GPC5: variants seen among roughly 807,000 people sequenced by gnomAD.
GPC5 encodes glypican 5, also known as glypican-5.
In GPC5, 47 loss-of-function variants were observed where a neutral mutation model predicts 53.9. That is an observed-to-expected ratio of 0.87 (90% confidence interval 0.69 to 1.11). The LOEUF is 1.11. Ranked by LOEUF, GPC5 falls within the 50% of genes most tolerant of loss-of-function variation. The pLI is 0.00. For synonymous variants in GPC5, 286 were observed against 263.3 expected (o/e 1.09, Z -0.84); for missense variants, 748 against 713.1 (o/e 1.05, Z -0.56).
intron 7 of GPC5, among the ~76,000 whole-genome samples, chr13:92,773,548 G>T (rs1875687088): frequency 6.6e-6 from 1 of 152,108 alleles, no homozygotes. Context: ...TTCACCAGAT[G>T]ACGTAAATGA....
chr13:91,641,470 T>A (rs1245079160), intron 2 of GPC5, among the ~76,000 whole-genome samples: 2 of 151,612 alleles, frequency 1.3e-5, no homozygotes, highest in Non-Finnish European at 2.9e-5. Context: ...TGGGGTGGGG[T>A]TAGGGGAGGG....
intron 2 of GPC5, among the ~76,000 whole-genome samples, chr13:91,616,588 A>G (rs919775282): frequency 6.6e-6 from 1 of 152,062 alleles, no homozygotes; most frequent in Non-Finnish European, 1.5e-5. Flanking sequence ...GCTGAATTTA[A>G]TTGTTTATCT....
intron 7 of GPC5, among the ~76,000 whole-genome samples, chr13:92,293,631 T>A (rs9516053): frequency 1.3e-5 from 2 of 151,682 alleles, no homozygotes; most frequent in African/African-American, 4.9e-5. Context: ...ACGATCATAT[T>A]GTCAGCAAAC....
intron 7 of GPC5, among the ~76,000 whole-genome samples, chr13:92,716,291 G>A (rs1036734663): frequency 6.6e-6 from 1 of 151,996 alleles, no homozygotes; most frequent in African/African-American, 2.4e-5. Flanking sequence ...GCAACACAGA[G>A]TTACCCATAT....
intron 2 of GPC5, among the ~76,000 whole-genome samples, chr13:91,582,452 G>A (rs2032401248): frequency 6.6e-6 from 1 of 151,758 alleles, no homozygotes; most frequent in Non-Finnish European, 1.5e-5. Flanking sequence ...ACAGACATGA[G>A]AACACTTGAA....
At position 91,448,822 on chromosome 13, in the gene GPC5, G is replaced by A; in HGVS notation, c.225G>A (p.Glu75=). Residue 75 remains glutamate, a synonymous_variant, in exon 2 of 8, where the codon GAG becomes GAA. Coordinates refer to ENST00000377067, the MANE Select transcript of GPC5 (RefSeq NM_004466.6). Reference sequence around the variant, plus strand: ...CATGTTGCACCAGGAAGATGGAGGAGAGATATCAGATTGCGGCTCGCCAGG... The same window carrying A: ...CATGTTGCACCAGGAAGATGGAGGAAAGATATCAGATTGCGGCTCGCCAGG... ...KPTCCTRKME[E]RYQIAARQDM... 6.2e-7 allele frequency: 1 copy of A among 1,613,808 alleles called. No individual in the cohort carries two copies. Among genetic ancestry groups the A allele is most frequent in the Middle Eastern group, 1.7e-4 (1 of 6,048 alleles).
At chr13:92,811,206 G>A (rs1442663964) in intron 7 of GPC5, among the ~76,000 whole-genome samples, 1 of 151,766 alleles carries the variant, frequency 6.6e-6, no homozygotes, top group Non-Finnish European at 1.5e-5. Flanking sequence ...CAAGTATTTT[G>A]TTTCATTTCT....
chr13:92,701,683 A>G (rs1168188427), intron 7 of GPC5, among the ~76,000 whole-genome samples: 5 of 152,000 alleles, frequency 3.3e-5, no homozygotes, highest in African/African-American at 1.2e-4. Flanking sequence ...CTTTAGTGCA[A>G]TATCTATAGA....
chr13:91,432,207 GTGTGTGTGT>G (rs1310146554), intron 1 of GPC5, among the ~76,000 whole-genome samples: 18 of 121,628 alleles, frequency 1.5e-4, no homozygotes, highest in South Asian at 5.4e-4. Flanking sequence ...CTGCTGCTGT[GTGTGTGTGT>G]GTGTGTGTGT....
intron 1 of GPC5, among the ~76,000 whole-genome samples, chr13:91,436,707 T>C (rs543639045): frequency 8.5e-5 from 13 of 152,342 alleles, no homozygotes; most frequent in African/African-American, 2.9e-4. Context: ...TTAGGTCTGC[T>C]TGGTGCAGAG....
intron 7 of GPC5, among the ~76,000 whole-genome samples, chr13:92,243,700 A>AAATTT (rs145475786): frequency 2.6e-5 from 4 of 151,370 alleles, no homozygotes; most frequent in Admixed American, 6.6e-5. Flanking sequence ...CATTGAATTG[A>AAATTT]AGTTCTAATG....
intron 7 of GPC5, among the ~76,000 whole-genome samples, chr13:92,389,484 T>C (rs1342905294): frequency 6.6e-6 from 1 of 152,146 alleles, no homozygotes; most frequent in East Asian, 1.9e-4. Context: ...CAAGGGCTCA[T>C]ATTTAGAAAC....
intron 7 of GPC5, among the ~76,000 whole-genome samples, chr13:92,803,432 T>G (rs1876979476): frequency 6.6e-6 from 1 of 151,908 alleles, no homozygotes; most frequent in South Asian, 2.1e-4. Flanking sequence ...TTTGTAAATT[T>G]TCCATGTTGG....
intron 7 of GPC5, among the ~76,000 whole-genome samples, chr13:92,570,128 T>A (rs1001752292): frequency 3.3e-5 from 5 of 152,188 alleles, no homozygotes; most frequent in Non-Finnish European, 7.3e-5. Flanking sequence ...TTGCTGTAGG[T>A]AATATTTGAC....
intron 7 of GPC5, among the ~76,000 whole-genome samples, chr13:92,224,066 A>T (rs956129409): frequency 1.3e-5 from 2 of 152,180 alleles, no homozygotes; most frequent in African/African-American, 4.8e-5. Flanking sequence ...CTGTTTTCTT[A>T]TTTGAAACAA....
intron 7 of GPC5, among the ~76,000 whole-genome samples, chr13:92,781,758 AT>A (rs2138762597): frequency 6.6e-6 from 1 of 152,314 alleles, no homozygotes; most frequent in East Asian, 1.9e-4. Flanking sequence ...TAAATGGCCA[AT>A]TACCCCTGGG....
chr13:92,406,537 C>G (rs1033030394), intron 7 of GPC5, among the ~76,000 whole-genome samples: 2 of 152,108 alleles, frequency 1.3e-5, no homozygotes, highest in East Asian at 1.9e-4. Flanking sequence ...TTAATATGAG[C>G]CAGGTGCTCT....
chr13:92,831,057 A>G (rs913393592), intron 7 of GPC5, among the ~76,000 whole-genome samples: 1 of 152,174 alleles, frequency 6.6e-6, no homozygotes, highest in Non-Finnish European at 1.5e-5. Flanking sequence ...TGTAAGCCCC[A>G]TTCGGCTGGT....
At chr13:92,847,516 C>T (rs777433100) in intron 7 of GPC5, among the ~76,000 whole-genome samples, 2 of 152,094 alleles carry the variant, frequency 1.3e-5, no homozygotes, top group Non-Finnish European at 2.9e-5. Context: ...TCACTCTCTT[C>T]TTCCTTCTCC....
Sources: gnomAD v4.1 joint callset for allele counts (sites outside exome capture counted in the v4.1 genomes callset) on GRCh38, gnomAD v4.1.1 for gene constraint, MANE v1.5 for transcripts, NCBI Gene and HGNC (gene_info 2026-07-23, HGNC 2026-07-21) for gene names.